The following TAF3 variants were observed in gnomAD, a reference collection of about 807,000 sequenced individuals.
TAF3 encodes transcription initiation factor TFIID subunit 3.
TAF3 carries 7 observed loss-of-function variants against 80.6 expected under a neutral mutation model. That is an observed-to-expected ratio of 0.09 (90% confidence interval 0.05 to 0.16). TAF3 has a LOEUF of 0.16. TAF3 is among the 10% of genes least tolerant of loss of function. The pLI is 1.00. For synonymous variants in TAF3, 444 were observed against 446.1 expected (o/e 1.00, Z 0.06); for missense variants, 921 against 1,140.2 (o/e 0.81, Z 2.77).
chr10:7,942,228 G>C (rs118050227), intron 2 of TAF3, among the ~76,000 whole-genome samples: 2 of 152,130 alleles, frequency 1.3e-5, no homozygotes, highest in Non-Finnish European at 2.9e-5. Context: ...CATAAATTGC[G>C]TTTTGTCGAT....
rs538390574 is a variant in TAF3, at chr10:7,913,988, G to A, written c.410-49932G>A. Among the ~76,000 whole-genome samples the A allele has an allele frequency of 1.5e-4, 23 of 152,248 alleles. No homozygotes were observed. The East Asian group carries it at 4.1e-3, about 27-fold the overall frequency. On this transcript the variant is annotated intron_variant, in intron 2 of 6. Transcript: ENST00000344293. ...GTGGCATGAAAAAAAGAGAGCAGGGGGGAACCATGATTGTTCAAAAATGAC... is the reference window on the plus strand; with the variant it reads ...GTGGCATGAAAAAAAGAGAGCAGGGAGGAACCATGATTGTTCAAAAATGAC...
At position 7,884,992 on chromosome 10, in the gene TAF3, C is replaced by T. The variant is rs140183971; in HGVS notation, c.409+60432C>T. Among the ~76,000 whole-genome samples the T allele has an allele frequency of 5.2e-3, 683 of 130,514 alleles. 3 individuals are homozygous for T. Among genetic ancestry groups the T allele is most frequent in the Non-Finnish European group, 8.7e-3 (499 of 57,146 alleles). The allele number at this position is 130,514 out of a possible 152,430, so 85.6% of individuals were successfully genotyped here. On this transcript the variant is annotated intron_variant, in intron 2 of 6. Coordinates refer to ENST00000344293, the MANE Select transcript of TAF3 (RefSeq NM_031923.4). ...ATATATCTGGAGTTTAATTTTTGTT[C>T]AGTTTTTTTTTTTTAATTTGTAGTT...
At chr10:8,001,962 C>G (rs1428597808) in intron 4 of TAF3, among the ~76,000 whole-genome samples, 1 of 152,194 alleles carries the variant, frequency 6.6e-6, no homozygotes, top group Non-Finnish European at 1.5e-5. Context: ...AACGAAGTGA[C>G]AACCAAATTC....
At chr10:7,918,252 G>T (rs1359554497) in intron 2 of TAF3, among the ~76,000 whole-genome samples, 3 of 152,176 alleles carry the variant, frequency 2.0e-5, no homozygotes, top group African/African-American at 7.2e-5. Flanking sequence ...AGACGAGAAT[G>T]TATGAAATGG....
chr10:7,998,045 A>C lies in TAF3; in HGVS notation c.2316-11033A>C, dbSNP rs1179784138. On this transcript the variant is annotated intron_variant, in intron 4 of 6. Coordinates refer to ENST00000344293, the MANE Select transcript of TAF3 (RefSeq NM_031923.4). ...TTTCGGTCATCACAAAAATAACCTT[A>C]GCTTAAGTCAAACTTTCAAACTCCA... Among the ~76,000 whole-genome samples, 4 of 152,050 alleles carry C rather than the reference A, an allele frequency of 2.6e-5. No individual in the cohort carries two copies. In the East Asian group the frequency reaches 5.8e-4, roughly 22 times the overall value.
intron 2 of TAF3, among the ~76,000 whole-genome samples, chr10:7,894,147 G>T (rs531438802): frequency 6.6e-6 from 1 of 152,144 alleles, no homozygotes; most frequent in Non-Finnish European, 1.5e-5. Flanking sequence ...TCTAATGGAA[G>T]CAGGGGTTTG....
At chr10:7,969,520 A>G (rs1831602899) in intron 3 of TAF3, among the ~76,000 whole-genome samples, 1 of 152,166 alleles carries the variant, frequency 6.6e-6, no homozygotes, top group South Asian at 2.1e-4. Context: ...TTAGATGAGT[A>G]TACAGGATTA....
At chr10:7,818,934 C>T in intron 1 of TAF3, 59 bp downstream of exon 1, 2 of 1,339,240 alleles carry the variant, frequency 1.5e-6, no homozygotes, top group East Asian at 3.1e-5. Flanking sequence ...GACACCTTCG[C>T]TCTCCCTGTC....
At chr10:7,905,083 G>A (rs897117524) in intron 2 of TAF3, among the ~76,000 whole-genome samples, 6 of 152,082 alleles carry the variant, frequency 3.9e-5, no homozygotes, top group Non-Finnish European at 7.4e-5. Context: ...GTAGTAGGAG[G>A]GCATTTTCTT....
At chr10:7,963,059 GA>G (rs1325103988) in intron 2 of TAF3, among the ~76,000 whole-genome samples, 1 of 152,128 alleles carries the variant, frequency 6.6e-6, no homozygotes, top group Non-Finnish European at 1.5e-5. Context: ...AACTCTAGCC[GA>G]AAAACCATTT....
At chr10:7,881,884 C>T (rs1274126899) in intron 2 of TAF3, among the ~76,000 whole-genome samples, 1 of 152,172 alleles carries the variant, frequency 6.6e-6, no homozygotes, top group Non-Finnish European at 1.5e-5. Flanking sequence ...TTTTGTGATT[C>T]TTGAGCAGAG....
chr10:7,922,845 C>T (rs1204737561), intron 2 of TAF3, among the ~76,000 whole-genome samples: 1 of 152,040 alleles, frequency 6.6e-6, no homozygotes, highest in African/African-American at 2.4e-5. Context: ...AGCCTTATCA[C>T]TTTAGAGATA....
chr10:7,917,202 G>A (rs1184672890), intron 2 of TAF3, among the ~76,000 whole-genome samples: 2 of 152,226 alleles, frequency 1.3e-5, no homozygotes, highest in African/African-American at 4.8e-5. Flanking sequence ...ATTTCAGGCG[G>A]TAATAAGTGC....
At chr10:7,873,623 C>CG (rs549284685) in intron 2 of TAF3, among the ~76,000 whole-genome samples, 3 of 96,462 alleles carry the variant, frequency 3.1e-5, no homozygotes, top group Non-Finnish European at 6.7e-5. Context: ...GTTCTCCCCC[C>CG]CCCCCCGTCA....
intron 4 of TAF3, among the ~76,000 whole-genome samples, chr10:8,000,072 T>C (rs1387059617): frequency 1.3e-5 from 2 of 152,372 alleles, no homozygotes; most frequent in Middle Eastern, 3.4e-3. Context: ...TAAAAATTCC[T>C]AGCAACAGTT....
intron 5 of TAF3, among the ~76,000 whole-genome samples, chr10:8,013,484 C>G (rs775790585): frequency 6.6e-6 from 1 of 151,998 alleles, no homozygotes; most frequent in African/African-American, 2.4e-5. Flanking sequence ...TTATGACTTA[C>G]AAAAGAAAGC....
At chr10:7,848,333 A>G (rs1169787300) in intron 2 of TAF3, among the ~76,000 whole-genome samples, 1 of 152,272 alleles carries the variant, frequency 6.6e-6, no homozygotes, top group Non-Finnish European at 1.5e-5. Flanking sequence ...ATTCTGGACC[A>G]ATCAGTAATG....
At chr10:7,960,691 G>C (rs1838181477) in intron 2 of TAF3, among the ~76,000 whole-genome samples, 3 of 152,228 alleles carry the variant, frequency 2.0e-5, no homozygotes, top group Non-Finnish European at 4.4e-5. Flanking sequence ...CCCTAGCTTA[G>C]AGGGAGCACC....
At chr10:7,883,461 G>A (rs1837379979) in intron 2 of TAF3, among the ~76,000 whole-genome samples, 1 of 152,172 alleles carries the variant, frequency 6.6e-6, no homozygotes, top group Non-Finnish European at 1.5e-5. Context: ...CTAAAGTGGT[G>A]ACTTCCAGAT....
Sources: gnomAD v4.1 joint callset for allele counts (sites outside exome capture counted in the v4.1 genomes callset) on GRCh38, gnomAD v4.1.1 for gene constraint, MANE v1.5 for transcripts, NCBI Gene and HGNC (gene_info 2026-07-23, HGNC 2026-07-21) for gene names.